MAGI2: variants seen among roughly 807,000 people sequenced by gnomAD.
The protein encoded by MAGI2 is membrane associated guanylate kinase, WW and PDZ domain containing 2.
A neutral mutation model predicts 133.3 loss-of-function variants in MAGI2; 35 were observed. That is an observed-to-expected ratio of 0.26 (90% CI 0.20 to 0.35). The LOEUF is 0.35. Ranked by LOEUF, MAGI2 falls within the 10% of genes least tolerant of loss-of-function variation. The pLI is 1.00. For missense variants in MAGI2, 1,636 were observed against 1,863.4 expected (o/e 0.88, Z 2.25); for synonymous variants, 729 against 710.6 (o/e 1.03, Z -0.41).
At chr7:78,184,274 G>T (rs1827473341) in intron 13 of MAGI2, among the ~76,000 whole-genome samples, 1 of 152,124 alleles carries the variant, frequency 6.6e-6, no homozygotes, top group African/African-American at 2.4e-5. Flanking sequence ...TAAAAAAATT[G>T]CAAAGATTTA....
intron 2 of MAGI2, chr7:78,940,807 T>C (rs1249497416): frequency 6.6e-6 from 1 of 152,092 alleles, no homozygotes; most frequent in Non-Finnish European, 1.5e-5. Flanking sequence ...CCCCAGAAAA[T>C]GTCTAACAAG....
intron 2 of MAGI2, among the ~76,000 whole-genome samples, chr7:78,866,241 C>A (rs1794542142): frequency 6.6e-6 from 1 of 152,088 alleles, no homozygotes. Flanking sequence ...GATTGATATA[C>A]CATTGTGTTA....
rs576157780 is a variant in MAGI2 at position 78,070,476 on chromosome 7, A to G, written c.3706+8471T>C. ...TATGTGTGTGTATATATGTGTGTAT[A>G]TATATGTGTGTGTATATATGTGTGT... On this transcript the variant is annotated intron_variant, in intron 21 of 21. Coordinates refer to ENST00000354212, the MANE Select transcript of MAGI2 (RefSeq NM_012301.4). Among the ~76,000 whole-genome samples the G allele has an allele frequency of 8.3e-5, 12 of 145,410 alleles. No individual in the cohort carries two copies. In the South Asian group the frequency reaches 2.6e-3, roughly 31 times the overall value.
intron 1 of MAGI2, among the ~76,000 whole-genome samples, chr7:79,040,244 A>G (rs973080292): frequency 1.3e-5 from 2 of 151,994 alleles, no homozygotes; most frequent in Non-Finnish European, 2.9e-5. Context: ...CTTGTGAAGA[A>G]GGTGCCATGC....
intron 15 of MAGI2, among the ~76,000 whole-genome samples, chr7:78,164,288 G>A (rs1375970218): frequency 6.6e-6 from 1 of 152,224 alleles, no homozygotes; most frequent in African/African-American, 2.4e-5. Flanking sequence ...AAGGATGACA[G>A]CATTGCAGAC....
At chr7:78,514,919 G>A (rs1326732380) in intron 4 of MAGI2, among the ~76,000 whole-genome samples, 1 of 152,174 alleles carries the variant, frequency 6.6e-6, no homozygotes, top group Non-Finnish European at 1.5e-5. Context: ...TGGGGGCCTG[G>A]AGAAGGCAGC....
chr7:79,021,043 C>T (rs1164199944), intron 1 of MAGI2, among the ~76,000 whole-genome samples: 1 of 152,242 alleles, frequency 6.6e-6, no homozygotes, highest in Non-Finnish European at 1.5e-5. Flanking sequence ...TCACAGTGTG[C>T]ATGCCCCAAG....
intron 2 of MAGI2, among the ~76,000 whole-genome samples, chr7:78,884,169 A>G (rs1796091959): frequency 6.6e-6 from 1 of 152,140 alleles, no homozygotes; most frequent in Admixed American, 6.6e-5. Context: ...GCAAAAAACC[A>G]ATAACCCCAT....
chr7:78,563,656 T>C (rs546033502), intron 3 of MAGI2, among the ~76,000 whole-genome samples: 3 of 152,216 alleles, frequency 2.0e-5, no homozygotes, highest in Non-Finnish European at 4.4e-5. Flanking sequence ...AGAGCTATGA[T>C]AAATTCTGTT....
In MAGI2 at chr7:78,559,855, G is replaced by C. The variant is rs144327535; in HGVS notation, c.539-38210C>G. 3.8e-3 allele frequency among the ~76,000 whole-genome samples: 571 copies of C among 152,204 alleles called. 3 individuals are homozygous for C. The highest frequency in any genetic ancestry group is 0.013 in the African/African-American group (533 of 41,536). ...TACATACAAACATGTATGTGTGTGT[G>C]TACACATATATTTGCCACCCACTGT... is the stretch of plus-strand genomic sequence containing the variant. On this transcript the variant is annotated intron_variant, in intron 3 of 21. Transcript: ENST00000354212.
intron 2 of MAGI2, among the ~76,000 whole-genome samples, chr7:78,703,478 T>G (rs1818283201): frequency 2.0e-5 from 3 of 152,038 alleles, no homozygotes; most frequent in African/African-American, 7.2e-5. Flanking sequence ...CTAAAGAGGC[T>G]AAATCATTTT....
chr7:79,171,258 T>C (rs926775807), intron 1 of MAGI2, among the ~76,000 whole-genome samples: 5 of 152,074 alleles, frequency 3.3e-5, no homozygotes, highest in African/African-American at 4.8e-5. Context: ...TGGCGTTTCT[T>C]TGGCTTACAG....
At chr7:78,375,268 T>G (rs1794331348) in intron 6 of MAGI2, among the ~76,000 whole-genome samples, 1 of 152,158 alleles carries the variant, frequency 6.6e-6, no homozygotes, top group Non-Finnish European at 1.5e-5. Context: ...ACATTCATGT[T>G]TAAATGCAGC....
chr7:78,846,709 C>G (rs1257763913), intron 2 of MAGI2, among the ~76,000 whole-genome samples: 1 of 151,916 alleles, frequency 6.6e-6, no homozygotes, highest in African/African-American at 2.4e-5. Flanking sequence ...AAAAACGAAT[C>G]AGTTATTTAG....
intron 1 of MAGI2, among the ~76,000 whole-genome samples, chr7:79,404,828 T>C (rs1845698059): frequency 6.6e-6 from 1 of 152,092 alleles, no homozygotes; most frequent in African/African-American, 2.4e-5. Context: ...GGGCATTACT[T>C]CCAAGCATTT....
intron 2 of MAGI2, among the ~76,000 whole-genome samples, chr7:78,680,303 C>A (rs1032323609): frequency 6.6e-6 from 1 of 152,064 alleles, no homozygotes; most frequent in African/African-American, 2.4e-5. Flanking sequence ...GTATATAAAG[C>A]ATGTATTGAA....
At chr7:78,485,137 G>A (rs1175952577) in intron 6 of MAGI2, 1 of 151,998 alleles carries the variant, frequency 6.6e-6, no homozygotes, top group Non-Finnish European at 1.5e-5. Context: ...GACTCTGAGA[G>A]GAGAAATATG....
intron 1 of MAGI2, among the ~76,000 whole-genome samples, chr7:79,214,684 AATAT>A (rs1829855485): frequency 7.1e-6 from 1 of 140,258 alleles, no homozygotes; most frequent in Non-Finnish European, 1.5e-5. Flanking sequence ...ATAAATATAT[AATAT>A]ATATTTATAC....
At chr7:78,650,671 C>A (rs374867218) in intron 2 of MAGI2, among the ~76,000 whole-genome samples, 1 of 151,896 alleles carries the variant, frequency 6.6e-6, no homozygotes, top group African/African-American at 2.4e-5. Flanking sequence ...AAAATATAAT[C>A]ATTACCATTC....
Sources: gnomAD v4.1 joint callset for allele counts (sites outside exome capture counted in the v4.1 genomes callset) on GRCh38, gnomAD v4.1.1 for gene constraint, MANE v1.5 for transcripts, NCBI Gene and HGNC (gene_info 2026-07-23, HGNC 2026-07-21) for gene names.